The following MANF variants were observed in gnomAD, a reference collection of about 807,000 sequenced individuals.
MANF encodes mesencephalic astrocyte derived neurotrophic factor.
A neutral mutation model predicts 19.1 loss-of-function variants in MANF; 9 were observed. That is an observed-to-expected ratio of 0.47 (90% CI 0.28 to 0.82). MANF has a LOEUF of 0.82. Ranked by LOEUF, MANF falls within the 40% of genes least tolerant of loss-of-function variation. MANF has a pLI of 0.10. For missense variants in MANF, 225 were observed against 226.7 expected, an observed-to-expected ratio of 0.99 and a Z score of 0.05; for synonymous variants, 89 against 88.0, an observed-to-expected ratio of 1.01 and a Z score of -0.06.
chr3:51,387,052 G>A (rs782014198), intron 2 of MANF: 1 of 424,658 alleles, frequency 2.4e-6, no homozygotes, highest in Non-Finnish European at 4.8e-6. Flanking sequence ...GCCAGGTGCG[G>A]TGGCTCATGC....
Position 51,387,885 on chromosome 3 carries a change from A to G in MANF, c.364+7A>G, listed in dbSNP as rs781861113. 7 of 1,613,290 alleles carry G rather than the reference A, an allele frequency of 4.3e-6. No homozygotes were observed. The Admixed American group carries it at 1.2e-4, about 27-fold the overall frequency. On this transcript the variant is annotated splice_region_variant and intron_variant, in intron 3 of 3. Transcript: ENST00000528157. ...ATATGTGAGCTTAAGTATGGTGAGTATGCCTAGTCCTTTCTTAATGAATGC... is the reference window on the plus strand; with the variant it reads ...ATATGTGAGCTTAAGTATGGTGAGTGTGCCTAGTCCTTTCTTAATGAATGC...
chr3:51,385,310 C>CGGAGGA lies in MANF; in HGVS notation c.-14_-9dup, dbSNP rs1553620634. 4,212 of 1,154,400 alleles carry CGGAGGA rather than the reference C, an allele frequency of 3.6e-3. 69 individuals carry two copies. In the Admixed American group the frequency reaches 0.055, roughly 15 times the overall value. The allele number at this position is 1,154,400 out of a possible 1,614,324, so 71.5% of individuals were successfully genotyped here. On this transcript the variant is annotated 5_prime_UTR_variant, in exon 1 of 4. In the 5' UTR this introduces an upstream ATG that the reference lacks. Coordinates refer to ENST00000528157, the MANE Select transcript of MANF (RefSeq NM_006010.6). ...CGGTTCAGTCGGTCGGCGGCGGCAG[C>CGGAGGA]GGAGGAGGAGGAGGAGGAGGAGGAT...
At position 51,386,332 on chromosome 3, in the gene MANF, G is replaced by T. The variant is rs1319322130; in HGVS notation, c.219G>T (p.Arg73=). The part of the protein sequence containing the change: ...FCREARGKEN[R]LCYYIGATDD... The stretch of plus-strand genomic sequence containing the variant: ...GGGAAGCAAGAGGCAAAGAGAATCG[G>T]TTGGTAAGTAGCTGGTGATCCTCCC... Residue 73 remains arginine, a synonymous_variant, in exon 2 of 4, where the codon CGG becomes CGT. Transcript: ENST00000528157. 14 of 1,613,866 alleles carry T rather than the reference G, an allele frequency of 8.7e-6. No homozygotes were observed. The highest frequency in any genetic ancestry group is 1.1e-5 in the Non-Finnish European group (13 of 1,179,876).
rs2088955790 is a variant in MANF at position 51,386,059 on chromosome 3, G to GTA, written c.95-148_95-147dup. On this transcript the variant is annotated intron_variant, in intron 1 of 3. Transcript: ENST00000528157. ...ACTTGGAACCGGGTTCTGTCTACCT[G>GTA]TAGACACCTGAGAAAAATCGGTGAT... is the stretch of plus-strand genomic sequence containing the variant. 3 of 830,984 alleles carry GTA rather than the reference G, an allele frequency of 3.6e-6. No homozygotes were observed. The South Asian group carries it at 5.3e-5, about 15-fold the overall frequency. 51.5% of individuals were successfully genotyped at this position (830,984 alleles called of 1,614,324 possible). A position where few individuals can be genotyped will look rare whatever the true frequency, so the allele number is the denominator to read the frequency against.
At chr3:51,385,967 G>T in intron 1 of MANF, 1 of 515,844 alleles carries the variant, frequency 1.9e-6, no homozygotes, top group Non-Finnish European at 3.5e-6. Flanking sequence ...GCAGGGAGAA[G>T]TCGTTTATAG....
intron 1 of MANF, 24 bp from the exon 2 acceptor site, chr3:51,386,184 A>G (rs2088958850): frequency 6.2e-7 from 1 of 1,612,176 alleles, no homozygotes; most frequent in East Asian, 2.2e-5. Flanking sequence ...ATTGCTGAGC[A>G]TCTCCCGTCC....
chr3:51,386,355 C>T lies in MANF; in HGVS notation c.222+20C>T, dbSNP rs1553620916. ...CGGTTGGTAAGTAGCTGGTGATCCT[C>T]CCCAACTGGCCCTGGCTCATGTTAA... On this transcript the variant is annotated intron_variant, in intron 2 of 3. Transcript: ENST00000528157. The T allele has an allele frequency of 3.1e-6, 5 of 1,613,450 alleles. No individual in the cohort carries two copies. Among genetic ancestry groups the T allele is most frequent in the South Asian group, 1.1e-5 (1 of 91,052 alleles).
chr3:51,386,309 G>A lies in MANF; in HGVS notation c.196G>A (p.Glu66Lys), dbSNP rs781897471. 6.2e-7 allele frequency: 1 copy of A among 1,613,954 alleles called. No homozygotes were observed. Among genetic ancestry groups the A allele is most frequent in the Non-Finnish European group, 8.5e-7 (1 of 1,179,878 alleles). The change falls in exon 2 of 4, where the codon GAA (glutamate) becomes AAA (lysine). Residue 66 changes from glutamate to lysine, a missense_variant. Glu to Lys is a moderately conservative substitution (Grantham distance 56, BLOSUM62 1). Coordinates refer to ENST00000528157, the MANE Select transcript of MANF (RefSeq NM_006010.6). ...AAACGAACTTATAAAGTTCTGCCGG[G>A]AAGCAAGAGGCAAAGAGAATCGGTT... ...IENELIKFCR[E>K]ARGKENRLCY...
Position 51,387,823 on chromosome 3 carries a change from G to A in MANF, c.309G>A (p.Glu103=). The A allele has an allele frequency of 1.2e-6, 2 of 1,613,756 alleles. No individual in the cohort carries two copies. The highest frequency in any genetic ancestry group is 2.7e-5 in the African/African-American group (2 of 75,060). Residue 103 remains glutamate (E), a synonymous_variant, in exon 3 of 4, where the codon GAG becomes GAA. Transcript: ENST00000528157. ...CTCTGGCCCACCACATCCCTGTGGAGAAGATCTGTGAGAAGCTTAAGAAGA... is the reference window on the plus strand; with the variant it reads ...CTCTGGCCCACCACATCCCTGTGGAAAAGATCTGTGAGAAGCTTAAGAAGA... ...SKPLAHHIPV[E]KICEKLKKKD...
intron 1 of MANF, chr3:51,385,872 C>T (rs1450388089): frequency 7.4e-6 from 2 of 270,132 alleles, no homozygotes; most frequent in Admixed American, 5.1e-5. Flanking sequence ...TTTCTCTTCA[C>T]CTTCCAGTCT....
rs2088935741 is a variant in MANF, at chr3:51,385,424, G to A, written c.82G>A (p.Gly28Ser). Residue 28 changes from glycine to serine, a missense_variant, in exon 1 of 4, where the codon GGC (glycine) becomes AGC (serine). By Grantham distance (56) the Gly-to-Ser change is moderately conservative. Coordinates refer to ENST00000528157, the MANE Select transcript of MANF (RefSeq NM_006010.6). ...VLPGSRALRP[G>S]DCEVCISYLG... ...GCCGGGCAGCCGGGCGCTGCGGCCG[G>A]GCGACTGCGAAGGTGCGGGATAGGG... 1.4e-5 allele frequency: 17 copies of A among 1,236,266 alleles called. No individual in the cohort carries two copies. The highest frequency in any genetic ancestry group is 1.7e-5 in the Non-Finnish European group (17 of 989,178). 76.6% of individuals were successfully genotyped at this position (1,236,266 alleles called of 1,614,324 possible).
intron 2 of MANF, 147 bp from the exon 3 acceptor site, chr3:51,387,590 C>T (rs782670199): frequency 4.5e-5 from 31 of 684,716 alleles, no homozygotes; most frequent in Non-Finnish European, 6.9e-5. Context: ...CGTGATCATG[C>T]CACTGCATTC....
chr3:51,386,350 A>T lies in MANF; in HGVS notation c.222+15A>T, dbSNP rs2088962157. 4 of 1,613,622 alleles carry T rather than the reference A, an allele frequency of 2.5e-6. No individual in the cohort carries two copies. Among genetic ancestry groups the T allele is most frequent in the Non-Finnish European group, 3.4e-6 (4 of 1,179,666 alleles). On this transcript the variant is annotated intron_variant, in intron 2 of 3. Coordinates refer to ENST00000528157, the MANE Select transcript of MANF (RefSeq NM_006010.6). Reference sequence around the variant, plus strand: ...AGAATCGGTTGGTAAGTAGCTGGTGATCCTCCCCAACTGGCCCTGGCTCAT... The same window carrying T: ...AGAATCGGTTGGTAAGTAGCTGGTGTTCCTCCCCAACTGGCCCTGGCTCAT...
At position 51,385,291 on chromosome 3, in the gene MANF, AGTCG is replaced by A; in HGVS notation, c.-46_-43del. On this transcript the variant is annotated 5_prime_UTR_variant, in exon 1 of 4. Transcript: ENST00000528157. ...CGGTGCGGCGCGGCGGGTGCGGTTC[AGTCG>A]GTCGGCGGCGGCAGCGGAGGAGGAG... The A allele has an allele frequency of 8.6e-7, 1 of 1,157,114 alleles. No individual in the cohort carries two copies. The allele number at this position is 1,157,114 out of a possible 1,614,324, so 71.7% of individuals were successfully genotyped here.
chr3:51,388,050 T>C (rs2304512), intron 3 of MANF, among the ~76,000 whole-genome samples, 172 bp downstream of exon 3: 11,259 of 152,102 alleles, frequency 0.074, 978 homozygotes, highest in East Asian at 0.33. Context: ...GAATAGGCCT[T>C]ATTGAAGAAG....
At chr3:51,387,644 C>A in intron 2 of MANF, 93 bp from the exon 3 acceptor site, 4 of 1,235,326 alleles carry the variant, frequency 3.2e-6, no homozygotes, top group Non-Finnish European at 4.6e-6. Context: ...ACAAGTAAGG[C>A]CCTACAGAGA....
intron 2 of MANF, among the ~76,000 whole-genome samples, chr3:51,387,453 C>CT (rs1164498428): frequency 6.7e-6 from 1 of 148,466 alleles, no homozygotes; most frequent in African/African-American, 2.5e-5. Context: ...CAGAGCAAAA[C>CT]TTTATCTCAA....
At chr3:51,385,610 A>G (rs1160657971) in intron 1 of MANF, 174 bp downstream of exon 1, 3 of 390,436 alleles carry the variant, frequency 7.7e-6, no homozygotes, top group African/African-American at 6.2e-5. Context: ...GCCCTAGTAA[A>G]TCTTTCTTGG....
chr3:51,386,714 A>C (rs2088965588), intron 2 of MANF, among the ~76,000 whole-genome samples: 1 of 152,222 alleles, frequency 6.6e-6, no homozygotes, highest in African/African-American at 2.4e-5. Flanking sequence ...AAGTGGGGTA[A>C]GACCATCCCA....
Sources: gnomAD v4.1 joint callset for allele counts (sites outside exome capture counted in the v4.1 genomes callset) on GRCh38, gnomAD v4.1.1 for gene constraint, MANE v1.5 for transcripts, NCBI Gene and HGNC (gene_info 2026-07-23, HGNC 2026-07-21) for gene names.